Variants in PHLDB1 observed in about 807,000 individuals in gnomAD.
PHLDB1 encodes the protein pleckstrin homology-like domain family B member 1.
In PHLDB1, 65 loss-of-function variants were observed where a neutral mutation model predicts 139.3. The observed-to-expected ratio is 0.47, with a 90% CI of 0.38 to 0.57. The LOEUF is 0.57. PHLDB1 is among the 20% of genes least tolerant of loss of function. The pLI is 0.00. For missense variants in PHLDB1, 1,624 were observed against 1,839.7 expected, an observed-to-expected ratio of 0.88 and a Z score of 2.14; for synonymous variants, 679 against 734.5, an observed-to-expected ratio of 0.92 and a Z score of 1.22.
intron 9 of PHLDB1, 51 bp from the exon 10 acceptor site, chr11:118,635,342 C>T (rs781932959): frequency 7.9e-6 from 12 of 1,523,732 alleles, no homozygotes; most frequent in Non-Finnish European, 1.1e-5. Context: ...CTTCCAGGCC[C>T]AGAGTGGCAT....
At chr11:118,613,937 G>T in intron 2 of PHLDB1, 41 bp downstream of exon 2, 1 of 1,290,280 alleles carries the variant, frequency 7.8e-7, no homozygotes. Context: ...AGATATAATA[G>T]GGATGGGATC....
At chr11:118,631,519 G>T in intron 7 of PHLDB1, 40 bp downstream of exon 7, 1 of 1,403,350 alleles carries the variant, frequency 7.1e-7, no homozygotes, top group South Asian at 1.8e-5. Context: ...GGCTGAAGTT[G>T]GACCTGCTGG....
At chr11:118,648,188 A>G (rs1947820747) in intron 18 of PHLDB1, 112 bp downstream of exon 18, 1 of 1,105,040 alleles carries the variant, frequency 9.0e-7, no homozygotes, top group Non-Finnish European at 1.3e-6. Context: ...TACTCCAGAA[A>G]AGATTGCTGT....
At chr11:118,649,872 G>A (rs1456128211) in intron 18 of PHLDB1, among the ~76,000 whole-genome samples, 4 of 152,194 alleles carry the variant, frequency 2.6e-5, no homozygotes, top group South Asian at 4.1e-4. Context: ...GAGTGACTTC[G>A]CAGTTTGCCC....
intron 10 of PHLDB1, among the ~76,000 whole-genome samples, chr11:118,636,364 G>A (rs898478882): frequency 2.0e-5 from 3 of 152,118 alleles, no homozygotes; most frequent in African/African-American, 7.2e-5. Flanking sequence ...GGATTTGCTG[G>A]TTAGCCTGGG....
At chr11:118,644,946 C>T (rs1947230657) in intron 15 of PHLDB1, 1 of 270,050 alleles carries the variant, frequency 3.7e-6, no homozygotes, top group African/African-American at 2.3e-5. Flanking sequence ...CATTGGCAGT[C>T]TGGGTGCTCA....
rs557805808 is a variant in PHLDB1, at chr11:118,644,140, C to G, written c.3087C>G (p.Ile1029Met). 2.5e-6 allele frequency: 4 copies of G among 1,613,336 alleles called. No individual in the cohort carries two copies. In the South Asian group the frequency reaches 4.4e-5, roughly 18 times the overall value. ...ACCTGGCAGCCACACTGCAGGACAT[C>G]GAGACCAAGCGCCAACTAGCTCTGC... ...PRNLAATLQD[I>M]ETKRQLALQQ... The change falls in exon 15 of 23, where the codon ATC becomes ATG. Residue 1029 changes from isoleucine (I) to methionine (M), a missense_variant. Coordinates refer to ENST00000600882, the MANE Select transcript of PHLDB1 (RefSeq NM_001144758.3).
chr11:118,624,834 TC>T (rs2136062796), intron 4 of PHLDB1, 99 bp from the exon 5 acceptor site: 3 of 1,259,206 alleles, frequency 2.4e-6, no homozygotes, highest in Non-Finnish European at 2.3e-6. Context: ...GGTCTCCAAC[TC>T]CCGACCTCAG....
At chr11:118,630,528 G>A (rs1944627092) in intron 6 of PHLDB1, among the ~76,000 whole-genome samples, 1 of 152,218 alleles carries the variant, frequency 6.6e-6, no homozygotes, top group South Asian at 2.1e-4. Context: ...GTGGTTGGGT[G>A]TCTGGTCCCT....
chr11:118,629,294 G>GTAAT (rs1280005465), intron 6 of PHLDB1, among the ~76,000 whole-genome samples: 1 of 152,246 alleles, frequency 6.6e-6, no homozygotes, highest in Non-Finnish European at 1.5e-5. Flanking sequence ...GCCAGCCTGT[G>GTAAT]TAATTGTGAC....
At chr11:118,647,719 C>T (rs1035241880) in intron 17 of PHLDB1, 14 of 508,890 alleles carry the variant, frequency 2.8e-5, no homozygotes, top group African/African-American at 1.9e-4. Context: ...ATAGTGGTAG[C>T]GGGGCCAGGG....
intron 4 of PHLDB1, chr11:118,621,665 G>A (rs545228462): frequency 1.3e-5 from 2 of 152,416 alleles, no homozygotes; most frequent in East Asian, 3.9e-4. Context: ...CCTTCTTTGG[G>A]AGCTTGAGGC....
intron 5 of PHLDB1, chr11:118,627,086 C>T (rs566155030): frequency 8.6e-6 from 5 of 579,990 alleles, no homozygotes; most frequent in East Asian, 2.9e-5. Context: ...AAGGCCCTGC[C>T]GATTCCCTTC....
Position 118,627,314 on chromosome 11 carries a change from A to G in PHLDB1, c.491A>G (p.Glu164Gly). ...TTGCATTTCCCTCCAGCAGAATCAG[A>G]AAGTCTGGTAAATGGGAACCACACC... is the stretch of plus-strand genomic sequence containing the variant. ...PPYSPVPAES[E>G]SLVNGNHTPQ... The change falls in exon 6 of 23, where the codon GAA becomes GGA. Residue 164 changes from glutamate (E) to glycine (G), a missense_variant. Glu to Gly is a moderately conservative substitution (Grantham distance 98). Coordinates refer to ENST00000600882, the MANE Select transcript of PHLDB1 (RefSeq NM_001144758.3). The G allele has an allele frequency of 6.2e-7, 1 of 1,613,120 alleles. No homozygotes were observed. The highest frequency in any genetic ancestry group is 2.2e-5 in the East Asian group (1 of 44,884).
At position 118,613,824 on chromosome 11, in the gene PHLDB1, G is replaced by C; in HGVS notation, c.-13G>C. ...TTCTGCTGTGTCCCTAGGAGCTCTGGAGCCTTAGGACCATGGACGCTCTCA... is the reference window on the plus strand; with the variant it reads ...TTCTGCTGTGTCCCTAGGAGCTCTGCAGCCTTAGGACCATGGACGCTCTCA... On this transcript the variant is annotated 5_prime_UTR_variant, in exon 2 of 23. Coordinates refer to ENST00000600882, the MANE Select transcript of PHLDB1 (RefSeq NM_001144758.3). The C allele has an allele frequency of 1.2e-6, 2 of 1,609,446 alleles. No homozygotes were observed.
rs782745258 is a variant in PHLDB1 at position 118,627,805 on chromosome 11, C to T, written c.982C>T (p.Arg328Trp). 8.7e-6 allele frequency: 14 copies of T among 1,604,464 alleles called. No homozygotes were observed. Among genetic ancestry groups the T allele is most frequent in the African/African-American group, 5.3e-5 (4 of 74,850 alleles). Residue 328 changes from arginine (R) to tryptophan (W), a missense_variant, in exon 6 of 23, where the codon CGG becomes TGG. Arg to Trp is a moderately radical substitution (Grantham distance 101). Transcript: ENST00000600882. ...GHERPPSPGL[R>W]GLLTDSPAAT... ...TGAGAGGCCTCCCAGCCCTGGCCTC[C>T]GGGGTCTGCTGACAGACAGCCCTGC...
At position 118,635,562 on chromosome 11, in the gene PHLDB1, C is replaced by T; in HGVS notation, c.2535+14C>T. ...GCCAAGAGGAAGGTGTGCCCCACCT[C>T]GTTCCCTGCTGCGTGCTGTTGGAGG... On this transcript the variant is annotated intron_variant, in intron 10 of 22. Transcript: ENST00000600882. 1.3e-6 allele frequency: 2 copies of T among 1,509,610 alleles called. No homozygotes were observed. Among genetic ancestry groups the T allele is most frequent in the Middle Eastern group, 2.2e-4 (1 of 4,518 alleles). 93.5% of individuals were successfully genotyped at this position (1,509,610 alleles called of 1,614,324 possible).
In PHLDB1 at chr11:118,627,633, CT is replaced by C; in HGVS notation, c.811del (p.Ser271HisfsTer43). 6.2e-7 allele frequency: 1 copy of C among 1,612,760 alleles called. No individual in the cohort carries two copies. Among genetic ancestry groups the C allele is most frequent in the Non-Finnish European group, 8.5e-7 (1 of 1,180,032 alleles). On this transcript the variant is annotated frameshift_variant, in exon 6 of 23. Coordinates refer to ENST00000600882, the MANE Select transcript of PHLDB1 (RefSeq NM_001144758.3). LOFTEE classifies it high-confidence loss of function. ...PASSGSCASH[S>X]PSGQEPGPSV... ...CCAGCAGTGGAAGCTGTGCCAGTCA[CT>C]CACCCAGTGGGCAAGAGCCAGGACC...
At chr11:118,631,173 C>A (rs782253022) in intron 6 of PHLDB1, 34 bp from the exon 7 acceptor site, 13 of 1,381,918 alleles carry the variant, frequency 9.4e-6, no homozygotes, top group Non-Finnish European at 1.2e-5. Context: ...TCAGCTTCCT[C>A]CCCTTCATGT....
Sources: allele counts gnomAD v4.1 joint callset (sites outside exome capture counted in the v4.1 genomes callset), GRCh38; gene constraint gnomAD v4.1.1; transcripts MANE v1.5; gene names NCBI Gene and HGNC (gene_info 2026-07-23, HGNC 2026-07-21).